The following COL28A1 variants were observed in gnomAD, a reference collection of about 807,000 sequenced individuals.
COL28A1 encodes the protein collagen type XXVIII alpha 1 chain, also known as collagen alpha-1(XXVIII) chain.
Under a neutral mutation model 150.2 loss-of-function variants are expected in COL28A1, and 161 were observed. That is an observed-to-expected ratio of 1.07 (90% CI 0.94 to 1.22). COL28A1 has a LOEUF of 1.22. COL28A1 is among the 50% of genes most tolerant of loss of function. The pLI is 0.00. For missense variants in COL28A1, 1,617 were observed against 1,388.3 expected, an observed-to-expected ratio of 1.16 and a Z score of -2.62; for synonymous variants, 552 against 469.7, an observed-to-expected ratio of 1.18 and a Z score of -2.26.
intron 2 of COL28A1, among the ~76,000 whole-genome samples, chr7:7,532,305 T>A (rs548049283): frequency 2.6e-5 from 4 of 152,024 alleles, no homozygotes; most frequent in African/African-American, 9.7e-5. Flanking sequence ...TATTTTTTTT[T>A]AAACTTTCTT....
chr7:7,403,854 T>C (rs1038302445), intron 27 of COL28A1, among the ~76,000 whole-genome samples: 9 of 152,316 alleles, frequency 5.9e-5, no homozygotes, highest in Admixed American at 5.2e-4. Context: ...CTGGCATCAA[T>C]TTTGTCATAA....
chr7:7,398,190 A>G (rs1361367984), intron 27 of COL28A1, among the ~76,000 whole-genome samples: 5 of 152,216 alleles, frequency 3.3e-5, no homozygotes, highest in African/African-American at 1.2e-4. Flanking sequence ...ACTGAATTCT[A>G]TTCTTCAGAG....
intron 34 of COL28A1, 83 bp downstream of exon 34, chr7:7,360,307 G>A: frequency 7.5e-7 from 1 of 1,329,436 alleles, no homozygotes; most frequent in Non-Finnish European, 1.0e-6. Flanking sequence ...TAGCAGATTG[G>A]CAGATCTCTC....
At chr7:7,538,869 T>A (rs577830580), upstream of COL28A1, among the ~76,000 whole-genome samples, 5 of 152,134 alleles carry the variant, frequency 3.3e-5, no homozygotes, top group East Asian at 9.7e-4. Flanking sequence ...AAAAAAAACA[T>A]TACCAACTAA....
chr7:7,412,837 AG>A (rs1783863331), intron 27 of COL28A1, among the ~76,000 whole-genome samples: 1 of 152,116 alleles, frequency 6.6e-6, no homozygotes. Flanking sequence ...AAGCCTTATT[AG>A]CCCCATTTTA....
intron 4 of COL28A1, among the ~76,000 whole-genome samples, chr7:7,523,605 C>G (rs1400880895): frequency 6.6e-6 from 1 of 152,156 alleles, no homozygotes; most frequent in Non-Finnish European, 1.5e-5. Context: ...AAATAAGCAG[C>G]TCATTGAACA....
At chr7:7,495,906 G>A (rs1780184119) in intron 11 of COL28A1, among the ~76,000 whole-genome samples, 1 of 152,082 alleles carries the variant, frequency 6.6e-6, no homozygotes, top group South Asian at 2.1e-4. Context: ...ACAAGGCCCT[G>A]CCTCTCCAAT....
In COL28A1 at chr7:7,477,111, C is replaced by A. The variant is rs1209697444; in HGVS notation, c.1233+1G>T. 8.7e-7 allele frequency: 1 copy of A among 1,144,444 alleles called. No homozygotes were observed. 70.9% of individuals were successfully genotyped at this position (1,144,444 alleles called of 1,614,324 possible). On this transcript the variant is annotated splice_donor_variant, in intron 14 of 34. Coordinates refer to ENST00000399429, the MANE Select transcript of COL28A1 (RefSeq NM_001037763.3). LOFTEE classifies it high-confidence loss of function. ...TTTCCTGGTACAGAAGGTATTGTTA[C>A]CTTTGGTCCTGGAAATCCTTCTCCG...
chr7:7,444,291 TTG>T (rs1251368898), intron 19 of COL28A1, 125 bp downstream of exon 19: 9 of 1,265,372 alleles, frequency 7.1e-6, no homozygotes, highest in Middle Eastern at 1.9e-4. Flanking sequence ...ACATTTGGGA[TTG>T]TGAGATATTT....
At chr7:7,417,030 A>C (rs1029574288) in intron 27 of COL28A1, among the ~76,000 whole-genome samples, 1 of 152,136 alleles carries the variant, frequency 6.6e-6, no homozygotes, top group Non-Finnish European at 1.5e-5. Context: ...AAAATAAAAA[A>C]CCAGCTTATG....
intron 11 of COL28A1, among the ~76,000 whole-genome samples, chr7:7,505,580 A>G (rs1464084930): frequency 2.6e-5 from 4 of 152,150 alleles, no homozygotes; most frequent in East Asian, 1.9e-4. Context: ...TTTCCCTGTA[A>G]TTAAAAAAAG....
chr7:7,432,067 G>C (rs1239853478), intron 25 of COL28A1, among the ~76,000 whole-genome samples: 1 of 152,186 alleles, frequency 6.6e-6, no homozygotes, highest in Non-Finnish European at 1.5e-5. Context: ...ATACATGGTA[G>C]GAAATTAGAT....
At chr7:7,462,864 A>G (rs1435157476) in intron 15 of COL28A1, among the ~76,000 whole-genome samples, 2 of 101,130 alleles carry the variant, frequency 2.0e-5, no homozygotes, top group Non-Finnish European at 1.9e-5. Context: ...TCCATCTCAA[A>G]AAAAAAAAAA....
At position 7,408,950 on chromosome 7, in the gene COL28A1, T is replaced by C. The variant is rs1783635954; in HGVS notation, c.2136+8909A>G. ...TCTGATTTGATTACTCCCTAACGCA[T>C]GATTACTTCAAGTAGGTCGTGTGAA... is the stretch of plus-strand genomic sequence containing the variant. On this transcript the variant is annotated intron_variant, in intron 27 of 34. Transcript: ENST00000399429. Among the ~76,000 whole-genome samples, 5 of 152,278 alleles carry C rather than the reference T, an allele frequency of 3.3e-5. No homozygotes were observed. The South Asian group carries it at 8.3e-4, about 25-fold the overall frequency.
intron 15 of COL28A1, among the ~76,000 whole-genome samples, chr7:7,459,854 A>C (rs1439325083): frequency 6.6e-6 from 1 of 152,214 alleles, no homozygotes; most frequent in African/African-American, 2.4e-5. Context: ...TGATGGACCA[A>C]GATGAAAGCC....
intron 18 of COL28A1, among the ~76,000 whole-genome samples, chr7:7,447,855 C>T (rs796178598): frequency 9.9e-5 from 15 of 152,108 alleles, no homozygotes; most frequent in African/African-American, 3.6e-4. Flanking sequence ...TGTGAAATAA[C>T]CTGAAACATC....
Position 7,506,069 on chromosome 7 carries a change from T to G in COL28A1, c.973-2A>C. 1 of 1,361,108 alleles carries G rather than the reference T, an allele frequency of 7.3e-7. No homozygotes were observed. Among genetic ancestry groups the G allele is most frequent in the South Asian group, 1.2e-5 (1 of 85,684 alleles). 84.3% of individuals were successfully genotyped at this position (1,361,108 alleles called of 1,614,324 possible). A position where few individuals can be genotyped will look rare whatever the true frequency, so the allele number is the denominator to read the frequency against. The stretch of plus-strand genomic sequence containing the variant: ...GTCTCCTGGAGGTCCAGTAATTCCC[T>G]GCTCCAGGATGAAAACCAAGAATTA... On this transcript the variant is annotated splice_acceptor_variant, in intron 10 of 34. Transcript: ENST00000399429. LOFTEE classifies it high-confidence loss of function.
intron 25 of COL28A1, among the ~76,000 whole-genome samples, chr7:7,429,678 C>T (rs1187008182): frequency 1.3e-5 from 2 of 152,158 alleles, no homozygotes. Flanking sequence ...GCTCACCCTC[C>T]TAACATCTCC....
chr7:7,530,413 C>T (rs1782283138), intron 3 of COL28A1, among the ~76,000 whole-genome samples: 1 of 152,160 alleles, frequency 6.6e-6, no homozygotes, highest in South Asian at 2.1e-4. Flanking sequence ...AGGAGCAAAA[C>T]AATCTCTGAA....
Sources: allele counts gnomAD v4.1 joint callset (sites outside exome capture counted in the v4.1 genomes callset), GRCh38; gene constraint gnomAD v4.1.1; transcripts MANE v1.5; gene names NCBI Gene and HGNC (gene_info 2026-07-23, HGNC 2026-07-21).